The following ZNF618 variants were observed in gnomAD, a reference collection of about 807,000 sequenced individuals.
ZNF618 encodes zinc finger protein 618, also known as neural precursor cell expressed, developmentally down-regulated 10.
In ZNF618, 34 loss-of-function variants were observed where a neutral mutation model predicts 103.0. The ratio of observed to expected loss-of-function variants is 0.33; its 90% confidence interval spans 0.25 to 0.44. The LOEUF (loss-of-function observed/expected upper bound fraction) is 0.44, where lower values mean the gene tolerates loss of function less well. Ranked by LOEUF, ZNF618 falls within the 20% of genes least tolerant of loss-of-function variation. The pLI is 1.00. For missense variants in ZNF618, 1,059 were observed against 1,295.4 expected (o/e 0.82, Z 2.80); for synonymous variants, 551 against 542.2 (o/e 1.02, Z -0.23).
intron 9 of ZNF618, among the ~76,000 whole-genome samples, chr9:114,009,067 C>A (rs1373323399): frequency 2.0e-5 from 3 of 152,228 alleles, no homozygotes; most frequent in Non-Finnish European, 2.9e-5. Context: ...CCCTTGAGGG[C>A]AGGAGCCACA....
rs775436175 is a variant in ZNF618, at chr9:113,988,523, G to A, written c.280G>A (p.Asp94Asn). Residue 94 changes from aspartate to asparagine, a missense_variant, in exon 3 of 15, where the codon GAC becomes AAC. Physicochemically the swap from Asp to Asn is conservative, Grantham distance 23. Around this residue, in one of 6 missense-constraint regions of ZNF618, gnomAD observed 194 missense variants for 209.0 expected, o/e 0.93. Transcript: ENST00000374126. ...KKAVSKDGTSDVPAEICVVIG... is the reference protein window; with the variant it reads ...KKAVSKDGTSNVPAEICVVIG... ...GGCGGTCAGCAAGGATGGGACCAGC[G>A]ACGTGCCTGCCGAGATCTGCGTGGT... The A allele has an allele frequency of 9.9e-6, 16 of 1,612,632 alleles. No homozygotes were observed. Among genetic ancestry groups the A allele is most frequent in the Middle Eastern group, 1.6e-4 (1 of 6,062 alleles).
rs200460369 is a variant in ZNF618 at position 113,921,891 on chromosome 9, G to GT, written c.33+45487dup. Among the ~76,000 whole-genome samples the GT allele has an allele frequency of 4.4e-3, 670 of 151,056 alleles. 6 individuals are homozygous for GT. Among genetic ancestry groups the GT allele is most frequent in the African/African-American group, 0.015 (637 of 41,186 alleles). The stretch of plus-strand genomic sequence containing the variant: ...TGGCCTTTCTTATGTTGTAGGGAGG[G>GT]TTTTTTTTTCCTGTTATTTGTATTA... On this transcript the variant is annotated intron_variant, in intron 1 of 14. Transcript: ENST00000374126.
chr9:113,965,569 C>T (rs992861450), intron 1 of ZNF618, among the ~76,000 whole-genome samples: 2 of 152,156 alleles, frequency 1.3e-5, no homozygotes, highest in Middle Eastern at 3.4e-3. Context: ...CTGGGGTCCT[C>T]CTTATTTTAT....
At chr9:113,999,945 T>C (rs1487574780) in intron 4 of ZNF618, among the ~76,000 whole-genome samples, 6 of 152,340 alleles carry the variant, frequency 3.9e-5, no homozygotes, top group African/African-American at 7.2e-5. Flanking sequence ...GGAGGCATTA[T>C]TACTCAGTGA....
At chr9:113,983,119 C>T (rs1839120244) in intron 2 of ZNF618, among the ~76,000 whole-genome samples, 1 of 152,016 alleles carries the variant, frequency 6.6e-6, no homozygotes, top group Non-Finnish European at 1.5e-5. Context: ...AGATAGATTC[C>T]GAGTGCTTTT....
chr9:113,895,677 G>A (rs1365747609), intron 1 of ZNF618, among the ~76,000 whole-genome samples: 2 of 152,142 alleles, frequency 1.3e-5, no homozygotes, highest in African/African-American at 4.8e-5. Context: ...CTGAGGCCTT[G>A]TCATGTGTAA....
At chr9:113,977,314 G>A (rs946160915) in intron 2 of ZNF618, among the ~76,000 whole-genome samples, 7 of 152,238 alleles carry the variant, frequency 4.6e-5, no homozygotes, top group African/African-American at 1.7e-4. Flanking sequence ...AAGATGGCCA[G>A]AGGAGTTGGA....
At chr9:113,949,552 TGGA>T (rs1337673768) in intron 1 of ZNF618, among the ~76,000 whole-genome samples, 2 of 152,204 alleles carry the variant, frequency 1.3e-5, no homozygotes, top group Non-Finnish European at 2.9e-5. Flanking sequence ...ACTCTTTCCC[TGGA>T]GGAGAATGTT....
In ZNF618 at chr9:114,049,099, G is replaced by T. The variant is rs765998665; in HGVS notation, c.1797G>T (p.Val599=). The T allele has an allele frequency of 1.2e-6, 2 of 1,613,880 alleles. No individual in the cohort carries two copies. Among genetic ancestry groups the T allele is most frequent in the Non-Finnish European group, 1.7e-6 (2 of 1,179,908 alleles). The change falls in exon 15 of 15, where the codon GTG becomes GTT. Residue 599 remains valine, a synonymous_variant. Coordinates refer to ENST00000374126, the MANE Select transcript of ZNF618 (RefSeq NM_001318042.2). The stretch of plus-strand genomic sequence containing the variant: ...GCGGTGACCTTGTGCACCACTGGGT[G>T]CAGAACGTGCTGTCGGAGTTCGTGA... ...RDSGDLVHHW[V]QNVLSEFVMS...
intron 9 of ZNF618, among the ~76,000 whole-genome samples, chr9:114,013,523 T>G (rs1426089052): frequency 6.6e-6 from 1 of 152,212 alleles, no homozygotes; most frequent in Non-Finnish European, 1.5e-5. Flanking sequence ...CTCCGCCTCC[T>G]GGGTTCACAC....
At position 114,050,033 on chromosome 9, in the gene ZNF618, C is replaced by T. The variant is rs772873750; in HGVS notation, c.2731C>T (p.Leu911=). 6.2e-7 allele frequency: 1 copy of T among 1,613,936 alleles called. No homozygotes were observed. Among genetic ancestry groups the T allele is most frequent in the South Asian group, 1.1e-5 (1 of 91,084 alleles). ...ACTCGCCAAGCTCGCCTTCTGGCTC[C>T]TGGCGGTTCCGGCCGTGGGCGCCAG... ...TKLAKLAFWL[L]AVPAVGARSG... Residue 911 remains leucine (L), a synonymous_variant, in exon 15 of 15, where the codon CTG becomes TTG. Coordinates refer to ENST00000374126, the MANE Select transcript of ZNF618 (RefSeq NM_001318042.2).
intron 3 of ZNF618, 72 bp from the exon 4 acceptor site, chr9:113,998,187 C>A: frequency 7.1e-7 from 1 of 1,407,208 alleles, no homozygotes; most frequent in Non-Finnish European, 9.8e-7. Flanking sequence ...GTGCAGCCAA[C>A]TTCGCCCCTT....
chr9:114,015,958 C>T (rs560082344), intron 9 of ZNF618, among the ~76,000 whole-genome samples: 6 of 152,360 alleles, frequency 3.9e-5, no homozygotes, highest in South Asian at 2.1e-4. Context: ...GAGAGAAGCG[C>T]ACCCCAGATG....
chr9:114,044,323 T>A (rs1038531060), intron 13 of ZNF618, among the ~76,000 whole-genome samples: 6 of 152,156 alleles, frequency 3.9e-5, no homozygotes, highest in African/African-American at 1.4e-4. Context: ...ACTTTATGTT[T>A]TTGTTTGCTT....
chr9:113,878,687 G>A (rs556005961), intron 1 of ZNF618, among the ~76,000 whole-genome samples: 1 of 152,168 alleles, frequency 6.6e-6, no homozygotes, highest in Non-Finnish European at 1.5e-5. Flanking sequence ...CTTGCAGGGC[G>A]GGATCTTGGA....
chr9:113,915,328 C>G (rs181343913), intron 1 of ZNF618, among the ~76,000 whole-genome samples: 1 of 152,104 alleles, frequency 6.6e-6, no homozygotes, highest in Non-Finnish European at 1.5e-5. Context: ...TGTTGACATC[C>G]GCTACTGTCA....
intron 1 of ZNF618, among the ~76,000 whole-genome samples, chr9:113,922,858 T>C (rs964337557): frequency 3.3e-5 from 5 of 152,198 alleles, no homozygotes; most frequent in African/African-American, 1.2e-4. Context: ...GGACTTGTGA[T>C]TGGGATTGTA....
chr9:114,001,371 C>T (rs1343084164), intron 4 of ZNF618, among the ~76,000 whole-genome samples: 2 of 152,110 alleles, frequency 1.3e-5, no homozygotes, highest in Non-Finnish European at 2.9e-5. Flanking sequence ...CCTCTCCTTG[C>T]TGAGCCTGTC....
chr9:113,893,562 T>G (rs1829790628), intron 1 of ZNF618, among the ~76,000 whole-genome samples: 1 of 152,162 alleles, frequency 6.6e-6, no homozygotes, highest in Non-Finnish European at 1.5e-5. Flanking sequence ...TATTAAGAAT[T>G]TTGTTCCTGC....
Sources: allele counts gnomAD v4.1 joint callset (sites outside exome capture counted in the v4.1 genomes callset), GRCh38; gene constraint gnomAD v4.1.1; regional missense constraint gnomAD v4.1.1; transcripts MANE v1.5; gene names NCBI Gene and HGNC (gene_info 2026-07-23, HGNC 2026-07-21).